The following FEZ1 variants were observed in gnomAD, a reference collection of about 807,000 sequenced individuals.
The protein encoded by FEZ1 is fasciculation and elongation protein zeta 1.
Under a neutral mutation model 49.3 loss-of-function variants are expected in FEZ1, and 20 were observed. The observed-to-expected ratio is 0.41, with a 90% CI of 0.29 to 0.59. FEZ1 has a LOEUF of 0.59. Ranked by LOEUF, FEZ1 falls within the 20% of genes least tolerant of loss-of-function variation. The pLI is 0.36. For missense variants in FEZ1, 413 were observed against 476.0 expected, an observed-to-expected ratio of 0.87 and a Z score of 1.23; for synonymous variants, 170 against 180.9, an observed-to-expected ratio of 0.94 and a Z score of 0.48.
In FEZ1 at chr11:125,489,326, T is replaced by G. The variant is rs1290734462; in HGVS notation, c.311+141A>C. The G allele has an allele frequency of 9.0e-6, 13 of 1,436,918 alleles. No homozygotes were observed. Among genetic ancestry groups the G allele is most frequent in the Admixed American group, 2.8e-5 (1 of 35,522 alleles). 89.0% of individuals were successfully genotyped at this position (1,436,918 alleles called of 1,614,324 possible). On this transcript the variant is annotated intron_variant, in intron 2 of 9. Transcript: ENST00000278919. The surrounding 1 kb of genome is among the most constrained non-coding windows in gnomAD (Gnocchi z 4.2). ...ACATATATAGAGCTATGACAGCAAG[T>G]ACCAGGGCACTGCTCCGCTGGCAAC...
chr11:125,459,049 GAGCAAGA>G (rs1183445923), intron 5 of FEZ1, among the ~76,000 whole-genome samples: 2 of 152,036 alleles, frequency 1.3e-5, no homozygotes, highest in Non-Finnish European at 2.9e-5. Flanking sequence ...CTGGGCAACA[GAGCAAGA>G]CTCTGTCTCA....
At chr11:125,446,642 TTTG>T (rs149136142) in intron 9 of FEZ1, among the ~76,000 whole-genome samples, 61 of 151,316 alleles carry the variant, frequency 4.0e-4, no homozygotes, top group Middle Eastern at 3.4e-3. Flanking sequence ...TTTTTTGTGT[TTTG>T]TTGTTGTTGT....
chr11:125,473,372 ACTGTGGAGTG>A (rs1024993821), intron 3 of FEZ1, among the ~76,000 whole-genome samples: 1 of 152,222 alleles, frequency 6.6e-6, no homozygotes, highest in African/African-American at 2.4e-5. Context: ...GAAGCCCAGC[ACTGTGGAGTG>A]CCTCGGTAGT....
chr11:125,477,961 G>A (rs1957246751), intron 3 of FEZ1, among the ~76,000 whole-genome samples: 1 of 151,996 alleles, frequency 6.6e-6, no homozygotes, highest in South Asian at 2.1e-4. Flanking sequence ...GTTTTGTCTT[G>A]CACTTACAGT....
In FEZ1 at chr11:125,487,158, C is replaced by T. The variant is rs559105747; in HGVS notation, c.311+2309G>A. ...TGTGCTAGAAGACAGTAAGAATCTG[C>T]TCATTGGGCCTTCATCCTTAATGAG... On this transcript the variant is annotated intron_variant, in intron 2 of 9. Coordinates refer to ENST00000278919, the MANE Select transcript of FEZ1 (RefSeq NM_005103.5). Among the ~76,000 whole-genome samples, 16 of 152,232 alleles carry T rather than the reference C, an allele frequency of 1.1e-4. No homozygotes were observed. In the East Asian group the frequency reaches 1.9e-3, roughly 18 times the overall value.
At chr11:125,479,489 T>G (rs1223308067) in intron 3 of FEZ1, among the ~76,000 whole-genome samples, 1 of 152,234 alleles carries the variant, frequency 6.6e-6, no homozygotes, top group African/African-American at 2.4e-5. Context: ...GAAATTTGCT[T>G]TTAACATAGA....
chr11:125,479,675 G>A (rs1219075260), intron 3 of FEZ1, among the ~76,000 whole-genome samples: 2 of 152,156 alleles, frequency 1.3e-5, no homozygotes, highest in Non-Finnish European at 2.9e-5. Flanking sequence ...AGGCCCAAGG[G>A]AGCACTTTAG....
chr11:125,446,166 C>T (rs189713317), intron 9 of FEZ1, 55 bp from the exon 10 acceptor site: 4 of 1,584,026 alleles, frequency 2.5e-6, no homozygotes, highest in South Asian at 1.1e-5. Context: ...CAGGTGGGGA[C>T]CTCCGAGCCC....
chr11:125,490,973 C>T (rs1957375687), intron 1 of FEZ1, among the ~76,000 whole-genome samples: 3 of 152,174 alleles, frequency 2.0e-5, no homozygotes, highest in South Asian at 2.1e-4. Flanking sequence ...AGGCTGGTCT[C>T]GAACTCCTGA....
At chr11:125,486,789 G>C (rs571284224) in intron 2 of FEZ1, among the ~76,000 whole-genome samples, 2 of 152,356 alleles carry the variant, frequency 1.3e-5, no homozygotes, top group East Asian at 1.9e-4. Context: ...GAGAAGTGTA[G>C]TCAGGTGAGA....
At chr11:125,461,280 G>A (rs185905953) in intron 4 of FEZ1, among the ~76,000 whole-genome samples, 379 of 152,300 alleles carry the variant, frequency 2.5e-3, no homozygotes, top group African/African-American at 8.6e-3. Context: ...CCCAGAAGTG[G>A]AGGGAAAATT....
At chr11:125,462,120 T>C (rs2135752406) in intron 4 of FEZ1, among the ~76,000 whole-genome samples, 1 of 152,358 alleles carries the variant, frequency 6.6e-6, no homozygotes, top group East Asian at 1.9e-4. Context: ...ATTCCCACCT[T>C]TCTATCACAG....
rs910264579 is a variant in FEZ1 at position 125,444,605 on chromosome 11, C to A, written c.*1490G>T. ...CGTCTGAAAAAAAAAAAGCAGAGGC[C>A]CAGGAAGGGAGGCAGGGCACTGGGA... is the stretch of plus-strand genomic sequence containing the variant. On this transcript the variant is annotated 3_prime_UTR_variant, in exon 10 of 10. Transcript: ENST00000278919. Among the ~76,000 whole-genome samples the A allele has an allele frequency of 2.0e-5, 3 of 151,954 alleles. No homozygotes were observed. The highest frequency in any genetic ancestry group is 7.2e-5 in the African/African-American group (3 of 41,380).
In FEZ1 at chr11:125,444,275, G is replaced by A. The variant is rs1479154434; in HGVS notation, c.*1820C>T. On this transcript the variant is annotated 3_prime_UTR_variant, in exon 10 of 10. Coordinates refer to ENST00000278919, the MANE Select transcript of FEZ1 (RefSeq NM_005103.5). ...CCGCCACCCCTAGCTAAGATTGCTA[G>A]TGTTCTGCTTCTGGAAAAGCAGAAG... 6.6e-6 allele frequency among the ~76,000 whole-genome samples: 1 copy of A among 152,186 alleles called. No individual in the cohort carries two copies. The highest frequency in any genetic ancestry group is 2.4e-5 in the African/African-American group (1 of 41,446).
chr11:125,481,286 C>T (rs1308809313), intron 3 of FEZ1, among the ~76,000 whole-genome samples: 1 of 151,886 alleles, frequency 6.6e-6, no homozygotes, highest in Admixed American at 6.6e-5. Context: ...TAGCTGGGAC[C>T]ACAAGCATGC....
intron 3 of FEZ1, among the ~76,000 whole-genome samples, chr11:125,470,471 A>C (rs1303893032): frequency 2.0e-5 from 3 of 152,168 alleles, no homozygotes; most frequent in African/African-American, 7.2e-5. Flanking sequence ...GAATAAAAGG[A>C]ATTCTAGAAA....
At position 125,444,254 on chromosome 11, in the gene FEZ1, C is replaced by T. The variant is rs1427571353; in HGVS notation, c.*1841G>A. On this transcript the variant is annotated 3_prime_UTR_variant, in exon 10 of 10. Coordinates refer to ENST00000278919, the MANE Select transcript of FEZ1 (RefSeq NM_005103.5). The stretch of plus-strand genomic sequence containing the variant: ...TTTTCCTGGGGGGATAAGTCTCCGC[C>T]ACCCCTAGCTAAGATTGCTAGTGTT... Among the ~76,000 whole-genome samples, 2 of 152,142 alleles carry T rather than the reference C, an allele frequency of 1.3e-5. No homozygotes were observed. The highest frequency in any genetic ancestry group is 2.9e-5 in the Non-Finnish European group (2 of 68,032).
rs569473759 is a variant in FEZ1, at chr11:125,489,136, C to A, written c.311+331G>T. 9.8e-6 allele frequency: 10 copies of A among 1,016,400 alleles called. No homozygotes were observed. In the African/African-American group the frequency reaches 1.5e-4, roughly 16 times the overall value. 63.0% of individuals were successfully genotyped at this position (1,016,400 alleles called of 1,614,324 possible). On this transcript the variant is annotated intron_variant, in intron 2 of 9. Transcript: ENST00000278919. This position sits in a 1 kb window ranked among gnomAD's most constrained non-coding sequence, Gnocchi z 4.2. ...TCATGGTTAATTAATTTTTTCTGGC[C>A]TTTATTTCTAATATCTCGCTGGATT...
In FEZ1 at chr11:125,496,104, A is replaced by G. The variant is rs2951789; in HGVS notation, c.-46+17T>C. 0.93 allele frequency: 142,029 copies of G among 152,352 alleles called. 66,287 individuals are homozygous for G. Among genetic ancestry groups the G allele is most frequent in the East Asian group, 1 (5,101 of 5,106 alleles). 9.4% of individuals were successfully genotyped at this position (152,352 alleles called of 1,614,324 possible). On this transcript the variant is annotated intron_variant, in intron 1 of 9. Transcript: ENST00000278919. Reference sequence around the variant, plus strand: ...AGTGAGTCGGGTCCTAACTAAAGTCAACCCCCGCGACGGCACCTGTGCGGG... The same window carrying G: ...AGTGAGTCGGGTCCTAACTAAAGTCGACCCCCGCGACGGCACCTGTGCGGG...
Sources: allele counts gnomAD v4.1 joint callset (sites outside exome capture counted in the v4.1 genomes callset), GRCh38; gene constraint gnomAD v4.1.1; non-coding constraint Gnocchi (gnomAD v3.1); transcripts MANE v1.5; gene names NCBI Gene and HGNC (gene_info 2026-07-23, HGNC 2026-07-21).